The following TEKT5 variants were observed in gnomAD, a reference collection of about 807,000 sequenced individuals.
TEKT5 encodes tektin 5, also known as tektin-5.
Under a neutral mutation model 48.7 loss-of-function variants are expected in TEKT5, and 52 were observed. That is an observed-to-expected ratio of 1.07 (90% CI 0.86 to 1.35). The LOEUF (loss-of-function observed/expected upper bound fraction) is 1.35. Ranked by LOEUF, TEKT5 falls within the 40% of genes most tolerant of loss-of-function variation. TEKT5 has a pLI of 0.00. For synonymous variants in TEKT5, 318 were observed against 267.6 expected, an observed-to-expected ratio of 1.19 and a Z score of -1.84; for missense variants, 831 against 641.6, an observed-to-expected ratio of 1.30 and a Z score of -3.19.
chr16:10,639,952 C>T (rs1383210402), intron 5 of TEKT5, among the ~76,000 whole-genome samples: 1 of 152,172 alleles, frequency 6.6e-6, no homozygotes, highest in Non-Finnish European at 1.5e-5. Context: ...TCCCACCAGC[C>T]CACCCCTAAA....
intron 5 of TEKT5, 56 bp downstream of exon 5, chr16:10,675,903 G>A (rs570146071): frequency 1.2e-5 from 19 of 1,565,176 alleles, no homozygotes; most frequent in East Asian, 1.1e-4. Context: ...TCAGATTCAC[G>A]GGAGAAGGGT....
At chr16:10,671,796 A>G (rs554486879) in intron 5 of TEKT5, 2 of 152,350 alleles carry the variant, frequency 1.3e-5, no homozygotes, top group South Asian at 4.1e-4. Flanking sequence ...CAGGCAAAAG[A>G]GAATGTGCAG....
At chr16:10,691,621 G>A (rs1422311093) in intron 1 of TEKT5, among the ~76,000 whole-genome samples, 1 of 152,124 alleles carries the variant, frequency 6.6e-6, no homozygotes, top group East Asian at 1.9e-4. Context: ...CAGGGGTTAT[G>A]GGGAGGGGTG....
intron 6 of TEKT5, among the ~76,000 whole-genome samples, chr16:10,629,343 C>T (rs1434111147): frequency 3.3e-5 from 5 of 151,920 alleles, no homozygotes; most frequent in South Asian, 2.1e-4. Context: ...CTCTGCCTCC[C>T]GGGTTCAAGC....
intron 5 of TEKT5, among the ~76,000 whole-genome samples, chr16:10,652,650 C>T (rs12920957): frequency 1.1e-4 from 6 of 56,500 alleles, no homozygotes; most frequent in East Asian, 5.9e-4. Flanking sequence ...ACCCTCCAGG[C>T]CAAGTAGAGC....
chr16:10,636,023 C>T, intron 5 of TEKT5, 105 bp from the exon 6 acceptor site: 2 of 1,503,706 alleles, frequency 1.3e-6, no homozygotes, highest in South Asian at 1.3e-5. Context: ...CAGCCAGGCA[C>T]TTAAGATACT....
At chr16:10,663,232 C>T (rs1218894891) in intron 5 of TEKT5, among the ~76,000 whole-genome samples, 2 of 152,186 alleles carry the variant, frequency 1.3e-5, no homozygotes, top group African/African-American at 4.8e-5. Flanking sequence ...GCTCTGAAAG[C>T]AGAGATATGT....
At chr16:10,680,828 G>A (rs1898733118) in intron 4 of TEKT5, among the ~76,000 whole-genome samples, 1 of 124,626 alleles carries the variant, frequency 8.0e-6, no homozygotes, top group Non-Finnish European at 1.6e-5. Flanking sequence ...ATGGACACAG[G>A]AAGGGGAACA....
chr16:10,661,814 T>G (rs1291764737), intron 5 of TEKT5, among the ~76,000 whole-genome samples: 1 of 152,070 alleles, frequency 6.6e-6, no homozygotes, highest in African/African-American at 2.4e-5. Flanking sequence ...TCACCAAACC[T>G]CTGTGAGCCT....
At chr16:10,646,640 A>T (rs527788822) in intron 5 of TEKT5, among the ~76,000 whole-genome samples, 1 of 152,252 alleles carries the variant, frequency 6.6e-6, no homozygotes, top group South Asian at 2.1e-4. Flanking sequence ...TATTAGCTTA[A>T]GAAAAAATCC....
chr16:10,683,405 G>A (rs1898794637), intron 3 of TEKT5, among the ~76,000 whole-genome samples: 1 of 152,188 alleles, frequency 6.6e-6, no homozygotes, highest in Admixed American at 6.5e-5. Context: ...CTGGGCTGAG[G>A]TAAAGAGAGG....
intron 5 of TEKT5, among the ~76,000 whole-genome samples, chr16:10,661,720 C>T (rs193140336): frequency 2.2e-4 from 34 of 152,256 alleles, no homozygotes; most frequent in African/African-American, 7.9e-4. Flanking sequence ...TTCCAGTGTG[C>T]CCACCTCACT....
chr16:10,639,436 C>T (rs1316675315), intron 5 of TEKT5, among the ~76,000 whole-genome samples: 3 of 152,128 alleles, frequency 2.0e-5, no homozygotes, highest in Non-Finnish European at 4.4e-5. Flanking sequence ...CCACCAGGGG[C>T]CAAATCTTGG....
chr16:10,645,736 A>T (rs903881084), intron 5 of TEKT5, among the ~76,000 whole-genome samples: 1 of 152,136 alleles, frequency 6.6e-6, no homozygotes, highest in African/African-American at 2.4e-5. Flanking sequence ...TGGGAGGCGG[A>T]GGTTGCAGGG....
rs1439567416 is a variant in TEKT5 at position 10,694,662 on chromosome 16, G to T, written c.212C>A (p.Thr71Asn). 1 of 1,613,362 alleles carries T rather than the reference G, an allele frequency of 6.2e-7. No homozygotes were observed. The highest frequency in any genetic ancestry group is 8.5e-7 in the Non-Finnish European group (1 of 1,179,610). ...GGGCAGGATGGTGGGCGGCCGCAGG[G>T]TACTGGTGCTCTCGTCCGGGCAGGT... ...VQTCPDESTSTLRPPTILPTL... is the reference protein window; with the variant it reads ...VQTCPDESTSNLRPPTILPTL... The change falls in exon 1 of 7, where the codon ACC becomes AAC. Residue 71 changes from threonine to asparagine, a missense_variant. Thr to Asn is a moderately conservative substitution (Grantham distance 65). Transcript: ENST00000283025.
At chr16:10,669,478 G>T (rs1193921299) in intron 5 of TEKT5, among the ~76,000 whole-genome samples, 3 of 152,030 alleles carry the variant, frequency 2.0e-5, no homozygotes, top group Admixed American at 2.0e-4. Flanking sequence ...ATTATAAAAG[G>T]GAGATTGGCA....
intron 5 of TEKT5, among the ~76,000 whole-genome samples, chr16:10,649,727 C>T (rs917079678): frequency 8.5e-5 from 13 of 152,196 alleles, no homozygotes; most frequent in Non-Finnish European, 1.6e-4. Context: ...TGAGCCACTG[C>T]ACTCGGCCTA....
intron 5 of TEKT5, among the ~76,000 whole-genome samples, chr16:10,651,784 A>C (rs989105286): frequency 1.3e-5 from 2 of 152,042 alleles, no homozygotes; most frequent in Non-Finnish European, 2.9e-5. Flanking sequence ...ACATGGCGAA[A>C]CCCCGTCTCT....
intron 6 of TEKT5, among the ~76,000 whole-genome samples, chr16:10,632,307 GT>G (rs997435055): frequency 5.2e-4 from 79 of 150,526 alleles, no homozygotes; most frequent in African/African-American, 1.8e-3. Context: ...TCAGTTTATG[GT>G]TTTTTTTTTG....
Sources: allele counts gnomAD v4.1 joint callset (sites outside exome capture counted in the v4.1 genomes callset), GRCh38; gene constraint gnomAD v4.1.1; transcripts MANE v1.5; gene names NCBI Gene and HGNC (gene_info 2026-07-23, HGNC 2026-07-21).